The following TRHDE variants were observed in gnomAD, a reference collection of about 807,000 sequenced individuals.
TRHDE encodes thyrotropin releasing hormone degrading enzyme.
Under a neutral mutation model 125.7 loss-of-function variants are expected in TRHDE, and 72 were observed. The ratio of observed to expected loss-of-function variants is 0.57; its 90% CI spans 0.47 to 0.70. The LOEUF (loss-of-function observed/expected upper bound fraction) is 0.70. TRHDE is among the 30% of genes least tolerant of loss of function. The pLI, the probability that TRHDE is intolerant of heterozygous loss-of-function variation, is 0.00. For synonymous variants in TRHDE, 509 were observed against 509.1 expected (o/e 1.00, Z 0.00); for missense variants, 1,110 against 1,327.1 (o/e 0.84, Z 2.54).
intron 2 of TRHDE, among the ~76,000 whole-genome samples, chr12:72,110,382 T>C (rs190726289): frequency 1.3e-5 from 2 of 152,154 alleles, no homozygotes; most frequent in Admixed American, 1.3e-4. Context: ...TTAAATAACA[T>C]GTGGATTGAA....
chr12:72,476,705 A>G (rs567878667), intron 5 of TRHDE, among the ~76,000 whole-genome samples: 3 of 152,260 alleles, frequency 2.0e-5, no homozygotes, highest in Admixed American at 6.5e-5. Context: ...CTGAAAAACA[A>G]TTTTATCTGC....
chr12:72,191,467 A>G (rs1290555062), intron 2 of TRHDE, among the ~76,000 whole-genome samples: 2 of 152,276 alleles, frequency 1.3e-5, no homozygotes, highest in South Asian at 2.1e-4. Flanking sequence ...GTTAGTAACT[A>G]TGGATTTTGT....
chr12:72,574,350 A>AT (rs538800350), intron 10 of TRHDE, among the ~76,000 whole-genome samples: 1 of 151,566 alleles, frequency 6.6e-6, no homozygotes, highest in East Asian at 1.9e-4. Flanking sequence ...TGTGGTTTTG[A>AT]TTTTTTTTCA....
At chr12:72,593,261 C>A (rs1203424549) in intron 12 of TRHDE, among the ~76,000 whole-genome samples, 2 of 152,134 alleles carry the variant, frequency 1.3e-5, no homozygotes, top group Non-Finnish European at 2.9e-5. Context: ...AAAAGGGAAA[C>A]CTCACCCCTA....
intron 12 of TRHDE, chr12:72,582,601 C>G (rs1360046496): frequency 2.0e-6 from 2 of 985,280 alleles, no homozygotes; most frequent in Non-Finnish European, 2.4e-6. Flanking sequence ...CACCCTGACC[C>G]TGGCTAGATG....
chr12:72,430,321 G>GTATACATA (rs1874398114), intron 3 of TRHDE, among the ~76,000 whole-genome samples: 1 of 143,438 alleles, frequency 7.0e-6, no homozygotes, highest in African/African-American at 2.6e-5. Context: ...ATATATACAT[G>GTATACATA]TATACATATA....
At chr12:72,146,072 A>G (rs1876219755) in intron 2 of TRHDE, among the ~76,000 whole-genome samples, 1 of 152,216 alleles carries the variant, frequency 6.6e-6, no homozygotes, top group Admixed American at 6.5e-5. Context: ...TAAGAAAATA[A>G]TTTAAAAGAT....
chr12:72,296,002 C>G (rs564588620), intron 2 of TRHDE, among the ~76,000 whole-genome samples: 1 of 152,248 alleles, frequency 6.6e-6, no homozygotes, highest in East Asian at 1.9e-4. Context: ...TTTTTGAAAA[C>G]TTTTTACACT....
intron 15 of TRHDE, among the ~76,000 whole-genome samples, chr12:72,632,504 T>C (rs1367893885): frequency 6.6e-6 from 1 of 151,956 alleles, no homozygotes; most frequent in Admixed American, 6.6e-5. Context: ...TACAATTGTA[T>C]ACCTCTTAAG....
intron 2 of TRHDE, among the ~76,000 whole-genome samples, chr12:72,179,841 A>G (rs542132167): frequency 7.2e-4 from 109 of 152,288 alleles, no homozygotes; most frequent in African/African-American, 2.6e-3. Flanking sequence ...TCATAGCCTA[A>G]TTTCCAAACA....
chr12:72,290,966 T>C (rs567044796), intron 2 of TRHDE, among the ~76,000 whole-genome samples: 1 of 152,366 alleles, frequency 6.6e-6, no homozygotes, highest in South Asian at 2.1e-4. Context: ...CCCCAGCTCT[T>C]GACAGGAGGA....
chr12:72,228,212 G>A (rs1482825359), intron 2 of TRHDE, among the ~76,000 whole-genome samples: 2 of 152,196 alleles, frequency 1.3e-5, no homozygotes, highest in Non-Finnish European at 2.9e-5. Flanking sequence ...TGACCCTGTA[G>A]CACACCTCTA....
At chr12:72,220,170 T>C (rs1287258415) in intron 2 of TRHDE, among the ~76,000 whole-genome samples, 2 of 152,114 alleles carry the variant, frequency 1.3e-5, no homozygotes, top group Non-Finnish European at 2.9e-5. Context: ...GTGAAAGCCT[T>C]ATATGACTTG....
chr12:72,202,363 A>G (rs1233466877), intron 2 of TRHDE, among the ~76,000 whole-genome samples: 1 of 152,192 alleles, frequency 6.6e-6, no homozygotes, highest in Admixed American at 6.5e-5. Flanking sequence ...GAGAAGTTTC[A>G]ATAATATGAA....
intron 2 of TRHDE, among the ~76,000 whole-genome samples, chr12:72,192,404 T>C (rs1468460031): frequency 6.6e-6 from 1 of 152,136 alleles, no homozygotes; most frequent in East Asian, 1.9e-4. Context: ...ATTTGATTGA[T>C]TTACTCTTAT....
At chr12:72,471,457 G>A (rs545495887) in intron 4 of TRHDE, among the ~76,000 whole-genome samples, 8 of 152,250 alleles carry the variant, frequency 5.3e-5, no homozygotes, top group South Asian at 2.1e-4. Context: ...GTAATTGTTC[G>A]GAGAACTGGA....
At chr12:72,608,367 C>T (rs1872527553) in intron 12 of TRHDE, among the ~76,000 whole-genome samples, 1 of 152,146 alleles carries the variant, frequency 6.6e-6, no homozygotes, top group African/African-American at 2.4e-5. Context: ...ATTACCTCCC[C>T]TTTTCTTTTT....
chr12:72,275,365 ACCT>A (rs1879446835), intron 1 of TRHDE, among the ~76,000 whole-genome samples: 1 of 151,280 alleles, frequency 6.6e-6, no homozygotes, highest in South Asian at 2.1e-4. Context: ...GATAGTTAAA[ACCT>A]CCTATAAGTG....
upstream of TRHDE, among the ~76,000 whole-genome samples, chr12:72,269,539 G>A (rs6582088): frequency 0.87 from 132,794 of 152,116 alleles, 58,015 homozygotes; most frequent in East Asian, 0.94. Flanking sequence ...AAACACATTA[G>A]TGAAATACAA....
Sources: allele counts gnomAD v4.1 joint callset (sites outside exome capture counted in the v4.1 genomes callset), GRCh38; gene constraint gnomAD v4.1.1; transcripts MANE v1.5; gene names NCBI Gene and HGNC (gene_info 2026-07-23, HGNC 2026-07-21).